The following LRRFIP2 variants were observed in gnomAD, a reference collection of about 807,000 sequenced individuals.
The protein encoded by LRRFIP2 is LRR binding FLII interacting protein 2, also known as leucine-rich repeat flightless-interacting protein 2.
LRRFIP2 carries 109 observed loss-of-function variants against 125.9 expected under a neutral mutation model. The observed-to-expected ratio is 0.87, with a 90% CI of 0.74 to 1.01. The LOEUF (loss-of-function observed/expected upper bound fraction) is 1.01. Ranked by LOEUF, LRRFIP2 falls within the 50% of genes least tolerant of loss-of-function variation. LRRFIP2 has a pLI of 0.00. For missense variants in LRRFIP2, 850 were observed against 862.3 expected (o/e 0.99, Z 0.18); for synonymous variants, 291 against 293.1 (o/e 0.99, Z 0.07).
At chr3:37,110,324 A>G (rs942065324) in intron 9 of LRRFIP2, among the ~76,000 whole-genome samples, 4 of 152,200 alleles carry the variant, frequency 2.6e-5, no homozygotes, top group Admixed American at 1.3e-4. Flanking sequence ...GCTTTTCCTG[A>G]TGTCATCTGA....
chr3:37,131,315 C>T (rs1258297364), intron 2 of LRRFIP2, among the ~76,000 whole-genome samples: 1 of 152,156 alleles, frequency 6.6e-6, no homozygotes, highest in East Asian at 1.9e-4. Flanking sequence ...TATGAAGATT[C>T]TCCCCAGTCC....
At chr3:37,133,156 C>T (rs575040082) in intron 2 of LRRFIP2, among the ~76,000 whole-genome samples, 28 of 152,290 alleles carry the variant, frequency 1.8e-4, no homozygotes, top group Admixed American at 1.5e-3. Flanking sequence ...ACCCTGGAGG[C>T]AGAGGTTACA....
intron 13 of LRRFIP2, among the ~76,000 whole-genome samples, chr3:37,105,861 T>A (rs2094295972): frequency 6.6e-6 from 1 of 152,176 alleles, no homozygotes; most frequent in African/African-American, 2.4e-5. Flanking sequence ...GGTCAGGAGT[T>A]CAAGATGAAC....
At chr3:37,121,399 A>C (rs139605867) in intron 6 of LRRFIP2, 93 bp downstream of exon 6, 1,251 of 1,193,740 alleles carry the variant, frequency 1.0e-3, no homozygotes, top group Non-Finnish European at 1.4e-3. Context: ...AAACGCAAAG[A>C]AATACAGGAA....
intron 16 of LRRFIP2, 54 bp from the exon 17 acceptor site, chr3:37,094,962 C>T: frequency 8.6e-7 from 1 of 1,160,450 alleles, no homozygotes; most frequent in East Asian, 2.4e-5. Context: ...AATATGTTTG[C>T]TGTGGAAACT....
intron 15 of LRRFIP2, among the ~76,000 whole-genome samples, chr3:37,099,560 A>G (rs2093911169): frequency 6.6e-6 from 1 of 152,212 alleles, no homozygotes; most frequent in Admixed American, 6.5e-5. Flanking sequence ...GTTTGAAAAA[A>G]TATCTGATTT....
chr3:37,114,984 C>A, intron 7 of LRRFIP2, 70 bp downstream of exon 7: 1 of 1,191,234 alleles, frequency 8.4e-7, no homozygotes, highest in South Asian at 1.3e-5. Flanking sequence ...TAGTCATATT[C>A]TATAATTAGC....
At chr3:37,089,627 A>C (rs1330196455) in intron 18 of LRRFIP2, among the ~76,000 whole-genome samples, 4 of 152,230 alleles carry the variant, frequency 2.6e-5, no homozygotes, top group Non-Finnish European at 5.9e-5. Flanking sequence ...CATCTGTTCA[A>C]ATCTCAAATC....
At chr3:37,156,239 C>A (rs534296551) in intron 1 of LRRFIP2, among the ~76,000 whole-genome samples, 2 of 151,860 alleles carry the variant, frequency 1.3e-5, no homozygotes, top group African/African-American at 2.4e-5. Context: ...CAGCACTCTG[C>A]GAGGCCGAGG....
chr3:37,089,721 A>C (rs2093316905), intron 18 of LRRFIP2, among the ~76,000 whole-genome samples: 1 of 152,236 alleles, frequency 6.6e-6, no homozygotes, highest in South Asian at 2.1e-4. Context: ...ATAAAATGCC[A>C]GTAAGAATGC....
At chr3:37,110,891 A>G (rs2094524180) in intron 9 of LRRFIP2, 100 bp downstream of exon 9, 2 of 1,019,734 alleles carry the variant, frequency 2.0e-6, no homozygotes, top group Non-Finnish European at 3.0e-6. Flanking sequence ...ATACGTAGCC[A>G]TTTACAGATT....
rs2087709408 is a variant in LRRFIP2 at position 37,058,880 on chromosome 3, C to T, written c.1780G>A (p.Glu594Lys). The T allele has an allele frequency of 1.9e-6, 3 of 1,613,812 alleles. No individual in the cohort carries two copies. The African/African-American group carries it at 4.0e-5, about 22-fold the overall frequency. ...IRKLKLQLEE[E>K]RQKCSRNDGT... ...TCATTCCTGGAGCATTTCTGTCGTT[C>T]CTCCTCTAACTGAAGCTTCAGTTTT... Residue 594 changes from glutamate to lysine, a missense_variant, in exon 25 of 28, where the codon GAA becomes AAA. Physicochemically the swap from Glu to Lys is moderately conservative, Grantham distance 56. Transcript: ENST00000336686.
At chr3:37,176,358 G>C (rs2096662506), upstream of LRRFIP2, 1 of 152,276 alleles carries the variant, frequency 6.6e-6, no homozygotes, top group Non-Finnish European at 1.5e-5. Flanking sequence ...CAGGGTCGAC[G>C]ACCCACTCAC....
rs1329900432 is a variant in LRRFIP2 at position 37,111,023 on chromosome 3, G to A, written c.481C>T (p.His161Tyr). Residue 161 changes from histidine (H) to tyrosine (Y), a missense_variant, in exon 9 of 28, where the codon CAT becomes TAT. Coordinates refer to ENST00000336686, the MANE Select transcript of LRRFIP2 (RefSeq NM_006309.4). ...FDQRNYSSLR[H>Y]SKPTSAYYTR... ...TAGTAGGCAGAGGTGGGTTTGCTAT[G>A]TCTAAGACTGCTATAGTTTCTCTGG... 1.5e-5 allele frequency: 24 copies of A among 1,613,668 alleles called. No individual in the cohort carries two copies. The highest frequency in any genetic ancestry group is 1.7e-5 in the Non-Finnish European group (20 of 1,179,848).
At chr3:37,151,875 G>C (rs1302646014) in intron 1 of LRRFIP2, among the ~76,000 whole-genome samples, 4 of 152,136 alleles carry the variant, frequency 2.6e-5, no homozygotes, top group Non-Finnish European at 5.9e-5. Context: ...AAAGTGCTGG[G>C]ATTACAGGCA....
At chr3:37,160,030 AAGTCTTTAATTAAGTAGTTAGACCTCC>A in intron 1 of LRRFIP2, among the ~76,000 whole-genome samples, 1 of 150,136 alleles carries the variant, frequency 6.7e-6, no homozygotes, top group East Asian at 1.9e-4. Context: ...ATTCACTTAA[AAGTCTTTAATTAAGTAGTTAGACCTCC>A]AGGTCCCCTT....
At chr3:37,124,187 G>A (rs2095183165) in intron 4 of LRRFIP2, among the ~76,000 whole-genome samples, 1 of 152,172 alleles carries the variant, frequency 6.6e-6, no homozygotes, top group Admixed American at 6.5e-5. Context: ...CTGAGCACTT[G>A]AAATGCAACT....
At chr3:37,089,704 G>T (rs180816090) in intron 18 of LRRFIP2, among the ~76,000 whole-genome samples, 4 of 152,064 alleles carry the variant, frequency 2.6e-5, no homozygotes, top group Admixed American at 2.6e-4. Flanking sequence ...AGGAAAAAAC[G>T]TTTTAAATAA....
intron 25 of LRRFIP2, among the ~76,000 whole-genome samples, chr3:37,057,338 C>T (rs1336913438): frequency 6.6e-6 from 1 of 152,184 alleles, no homozygotes; most frequent in African/African-American, 2.4e-5. Flanking sequence ...AGGCTCACCA[C>T]TGTAGTAGCT....
Sources: gnomAD v4.1 joint callset for allele counts (sites outside exome capture counted in the v4.1 genomes callset) on GRCh38, gnomAD v4.1.1 for gene constraint, MANE v1.5 for transcripts, NCBI Gene and HGNC (gene_info 2026-07-23, HGNC 2026-07-21) for gene names.